HDLBP: variants seen among roughly 807,000 people sequenced by gnomAD.
HDLBP encodes vigilin.
A neutral mutation model predicts 137.3 loss-of-function variants in HDLBP; 30 were observed. The ratio of observed to expected loss-of-function variants is 0.22; its 90% confidence interval spans 0.16 to 0.30. HDLBP has a LOEUF of 0.30. HDLBP is among the 10% of genes least tolerant of loss of function. The pLI, the probability that HDLBP is intolerant of heterozygous loss-of-function variation, is 1.00. For synonymous variants in HDLBP, 606 were observed against 596.0 expected (o/e 1.02, Z -0.24); for missense variants, 1,119 against 1,667.3 (o/e 0.67, Z 5.73).
At chr2:241,248,462 G>A in intron 12 of HDLBP, 114 bp from the exon 13 acceptor site, 1 of 851,332 alleles carries the variant, frequency 1.2e-6, no homozygotes, top group Non-Finnish European at 1.9e-6. Flanking sequence ...AGCAGGTGAG[G>A]TGGTCTCCAG....
At chr2:241,312,446 T>C (rs552307934) in intron 1 of HDLBP, among the ~76,000 whole-genome samples, 1 of 152,330 alleles carries the variant, frequency 6.6e-6, no homozygotes, top group South Asian at 2.1e-4. Context: ...AAGGTTCTTT[T>C]CATTATTTTC....
chr2:241,298,467 A>C (rs1559553257), intron 1 of HDLBP, among the ~76,000 whole-genome samples: 1 of 152,214 alleles, frequency 6.6e-6, no homozygotes, highest in Non-Finnish European at 1.5e-5. Context: ...ACATCAAATA[A>C]AGTCATGGCA....
At chr2:241,249,482 G>T (rs1008652163) in intron 12 of HDLBP, 2 of 494,396 alleles carry the variant, frequency 4.0e-6, no homozygotes, top group Admixed American at 2.3e-5. Context: ...AGTGATCCTC[G>T]AGTCTGGCCT....
chr2:241,314,860 G>C (rs767788295), intron 1 of HDLBP, among the ~76,000 whole-genome samples: 6 of 152,134 alleles, frequency 3.9e-5, no homozygotes, highest in Non-Finnish European at 5.9e-5. Context: ...CTCTAAGCGG[G>C]GGAAACCTAG....
chr2:241,291,734 A>G (rs776472307), intron 1 of HDLBP, among the ~76,000 whole-genome samples: 1 of 152,206 alleles, frequency 6.6e-6, no homozygotes, highest in Non-Finnish European at 1.5e-5. Flanking sequence ...CTGGATTTGG[A>G]TATGTTACAG....
intron 5 of HDLBP, among the ~76,000 whole-genome samples, chr2:241,258,024 TGA>T (rs1438882297): frequency 6.6e-6 from 1 of 151,952 alleles, no homozygotes; most frequent in African/African-American, 2.4e-5. Context: ...GAAGCCGAGA[TGA>T]GAGGATTGTT....
chr2:241,271,998 A>C, intron 1 of HDLBP: 1 of 169,028 alleles, frequency 5.9e-6, no homozygotes, highest in Non-Finnish European at 1.2e-5. Flanking sequence ...ACAGGCCACG[A>C]GGGCCCGCGG....
chr2:241,257,827 G>A (rs2072787598), intron 5 of HDLBP, among the ~76,000 whole-genome samples: 1 of 152,192 alleles, frequency 6.6e-6, no homozygotes, highest in Admixed American at 6.5e-5. Flanking sequence ...CATTAAACAT[G>A]AAACCATTAT....
chr2:241,252,623 T>C (rs1190143263), intron 11 of HDLBP, among the ~76,000 whole-genome samples: 1 of 152,212 alleles, frequency 6.6e-6, no homozygotes, highest in Non-Finnish European at 1.5e-5. Context: ...CAACACTGAT[T>C]GGCTAACCTA....
At chr2:241,291,896 A>C (rs913579527) in intron 1 of HDLBP, among the ~76,000 whole-genome samples, 1 of 152,206 alleles carries the variant, frequency 6.6e-6, no homozygotes, top group Non-Finnish European at 1.5e-5. Flanking sequence ...AAGGCCAGGA[A>C]GCAGATACTC....
rs530805381 is a variant in HDLBP, at chr2:241,272,783, C to G, written c.-102-4242G>C. The G allele has an allele frequency of 3.4e-6, 1 of 295,382 alleles. No individual in the cohort carries two copies. Among genetic ancestry groups the G allele is most frequent in the Non-Finnish European group, 5.0e-6 (1 of 200,960 alleles). The allele number at this position is 295,382 out of a possible 1,614,324, so 18.3% of individuals were successfully genotyped here. A position where few individuals can be genotyped will look rare whatever the true frequency, so the allele number is the denominator to read the frequency against. On this transcript the variant is annotated intron_variant, in intron 1 of 27. Transcript: ENST00000310931. This position sits in a 1 kb window ranked among gnomAD's most constrained non-coding sequence, Gnocchi z 5.6. ...CACTCGTGGGCCCCCGCCCGCTGGT[C>G]CTGCCGCTGGCTTACTCGCCCCCCG...
At chr2:241,280,144 T>C (rs912615085) in intron 1 of HDLBP, 1 of 983,796 alleles carries the variant, frequency 1.0e-6, no homozygotes, top group African/African-American at 1.7e-5. Context: ...CCATACTGAG[T>C]GTGGTGGTCA....
chr2:241,229,638 A>G lies in HDLBP; in HGVS notation c.3770T>C (p.Val1257Ala). The G allele has an allele frequency of 1.2e-6, 2 of 1,614,100 alleles. No homozygotes were observed. Among genetic ancestry groups the G allele is most frequent in the Non-Finnish European group, 1.7e-6 (2 of 1,180,014 alleles). Residue 1257 changes from valine to alanine, a missense_variant, in exon 28 of 28, where the codon GTG (valine) becomes GCG (alanine). Transcript: ENST00000310931. Reference protein sequence around the residue: ...SEEFPSFGAQVAPKTLPWGPK... With the variant: ...SEEFPSFGAQAAPKTLPWGPK... ...GCCCCAAGGGAGGGTCTTGGGAGCC[A>G]CCTGAGCCCCAAAGCTGGGAAATTC...
chr2:241,311,715 A>T (rs892562000), intron 1 of HDLBP, among the ~76,000 whole-genome samples: 12 of 152,260 alleles, frequency 7.9e-5, no homozygotes, highest in Admixed American at 7.2e-4. Flanking sequence ...TAACCCAGGA[A>T]AACAAAAAGT....
intron 1 of HDLBP, among the ~76,000 whole-genome samples, chr2:241,282,878 T>C (rs1187263042): frequency 2.0e-5 from 3 of 152,124 alleles, no homozygotes; most frequent in African/African-American, 7.2e-5. Flanking sequence ...AACCCAACAA[T>C]TGCTTCTAAG....
chr2:241,238,528 AATAC>A lies in HDLBP; in HGVS notation c.2749+117_2749+120del. On this transcript the variant is annotated intron_variant, in intron 20 of 27. Transcript: ENST00000310931. The surrounding 1 kb of genome is among the most constrained non-coding windows in gnomAD (Gnocchi z 4.9). ...ACCCTGAACCTCTGGAAGCCCCCAG[AATAC>A]ATAGATGGTTTTCCAGCAGAGACAG... 1 of 789,606 alleles carries A rather than the reference AATAC, an allele frequency of 1.3e-6. No homozygotes were observed. 48.9% of individuals were successfully genotyped at this position (789,606 alleles called of 1,614,324 possible). A position where few individuals can be genotyped will look rare whatever the true frequency, so the allele number is the denominator to read the frequency against.
At chr2:241,256,023 C>T (rs1204072231) in intron 7 of HDLBP, among the ~76,000 whole-genome samples, 161 bp downstream of exon 7, 3 of 152,124 alleles carry the variant, frequency 2.0e-5, no homozygotes, top group Non-Finnish European at 2.9e-5. Context: ...CAAGGGGGGG[C>T]GGGCACCGAT....
chr2:241,281,215 T>C (rs2074586796), intron 1 of HDLBP, among the ~76,000 whole-genome samples: 1 of 152,076 alleles, frequency 6.6e-6, no homozygotes, highest in African/African-American at 2.4e-5. Context: ...TTACTCGGGC[T>C]TGGGGGTGCA....
intron 9 of HDLBP, among the ~76,000 whole-genome samples, chr2:241,254,027 A>G (rs901350995): frequency 7.2e-5 from 11 of 152,160 alleles, no homozygotes; most frequent in African/African-American, 2.7e-4. Context: ...ACTCACACCC[A>G]TAACCTCAAT....
Sources: allele counts gnomAD v4.1 joint callset (sites outside exome capture counted in the v4.1 genomes callset), GRCh38; gene constraint gnomAD v4.1.1; non-coding constraint Gnocchi (gnomAD v3.1); transcripts MANE v1.5; gene names NCBI Gene and HGNC (gene_info 2026-07-23, HGNC 2026-07-21).